SKP2: variants seen among roughly 807,000 people sequenced by gnomAD.
SKP2 encodes S-phase kinase-associated protein 2.
Under a neutral mutation model 51.8 loss-of-function variants are expected in SKP2, and 16 were observed. The observed-to-expected ratio is 0.31, with a 90% CI of 0.21 to 0.47. The LOEUF (loss-of-function observed/expected upper bound fraction) is 0.47. Among genes scored for constraint, SKP2 ranks in the 20% least tolerant of loss-of-function variants. The pLI is 1.00. For synonymous variants in SKP2, 176 were observed against 198.6 expected, an observed-to-expected ratio of 0.89 and a Z score of 0.96; for missense variants, 377 against 505.3, an observed-to-expected ratio of 0.75 and a Z score of 2.43.
At chr5:36,153,188 C>T (rs1268496969) in intron 2 of SKP2, 146 bp downstream of exon 2, 3 of 623,366 alleles carry the variant, frequency 4.8e-6, no homozygotes, top group East Asian at 3.0e-5. Context: ...TAGGGCAAGT[C>T]GTCAAGTATG....
chr5:36,166,725 C>CAT, intron 4 of SKP2, 63 bp downstream of exon 4: 2 of 902,376 alleles, frequency 2.2e-6, no homozygotes, highest in Non-Finnish European at 1.7e-6. Flanking sequence ...CAGATCAAAG[C>CAT]TTTTTTTTTT....
chr5:36,166,704 C>T (rs781411812), intron 4 of SKP2, 42 bp downstream of exon 4: 17 of 1,508,086 alleles, frequency 1.1e-5, no homozygotes, highest in Middle Eastern at 1.7e-4. Context: ...TTCTAAATTT[C>T]GAGGTAGAAA....
In SKP2 at chr5:36,163,676, G is replaced by A. The variant is rs1334730163; in HGVS notation, c.312G>A (p.Leu104=). Residue 104 remains leucine (L), a synonymous_variant, in exon 3 of 10, where the codon CTG becomes CTA. Coordinates refer to ENST00000274255, the MANE Select transcript of SKP2 (RefSeq NM_005983.4). ...CATGGGACTCCCTTCCGGATGAGCT[G>A]CTCTTGGGAATCTTTTCCTGTCTGT... The part of the protein sequence containing the change: ...GVSWDSLPDE[L]LLGIFSCLCL... The A allele has an allele frequency of 4.3e-6, 7 of 1,613,824 alleles. No homozygotes were observed. The highest frequency in any genetic ancestry group is 4.2e-6 in the Non-Finnish European group (5 of 1,179,854).
rs1745829886 is a variant in SKP2, at chr5:36,182,092, T to C, written c.*61T>C. The C allele has an allele frequency of 6.3e-7, 1 of 1,580,460 alleles. No homozygotes were observed. The highest frequency in any genetic ancestry group is 1.1e-5 in the South Asian group (1 of 87,632). On this transcript the variant is annotated 3_prime_UTR_variant, in exon 10 of 10. Transcript: ENST00000274255. ...CAGGGAAAATAGGCAGGAAGCCCAA[T>C]TGCTGGAGTACTTAGCTAGTTTTAT...
In SKP2 at chr5:36,182,591, G is replaced by A. The variant is rs1745846190; in HGVS notation, c.*560G>A. Reference sequence around the variant, plus strand: ...CTTTAGATTTGAAATTAGGTTAATAGAAATAAGTAACCCCATGTAATTCAC... The same window carrying A: ...CTTTAGATTTGAAATTAGGTTAATAAAAATAAGTAACCCCATGTAATTCAC... On this transcript the variant is annotated 3_prime_UTR_variant, in exon 10 of 10. Transcript: ENST00000274255. The A allele has an allele frequency of 1.0e-6, 1 of 981,810 alleles. No individual in the cohort carries two copies. Among genetic ancestry groups the A allele is most frequent in the Non-Finnish European group, 1.2e-6 (1 of 826,682 alleles). The allele number at this position is 981,810 out of a possible 1,614,324, so 60.8% of individuals were successfully genotyped here.
At position 36,166,222 on chromosome 5, in the gene SKP2, T is replaced by C. The variant is rs534650482; in HGVS notation, c.393-297T>C. ...TTTTTAAATTTGTCAACTTGAATGC[T>C]GGAATATGATTCTCTGGTTCTAGAT... On this transcript the variant is annotated intron_variant, in intron 3 of 9. Transcript: ENST00000274255. Among the ~76,000 whole-genome samples, 10 of 152,356 alleles carry C rather than the reference T, an allele frequency of 6.6e-5. No individual in the cohort carries two copies. In the East Asian group the frequency reaches 1.9e-3, roughly 29 times the overall value.
chr5:36,188,434 A>C (rs1360371554), downstream of SKP2, among the ~76,000 whole-genome samples: 1 of 152,242 alleles, frequency 6.6e-6, no homozygotes, highest in Non-Finnish European at 1.5e-5. Context: ...GGTGGCGAGA[A>C]AATCTCTCAG....
intron 2 of SKP2, chr5:36,155,239 G>A (rs1250755816): frequency 6.6e-6 from 1 of 152,058 alleles, no homozygotes; most frequent in Admixed American, 6.6e-5. Flanking sequence ...AAATAAATAC[G>A]TTTGTTTTCA....
At chr5:36,170,146 G>T (rs1745419697) in intron 5 of SKP2, among the ~76,000 whole-genome samples, 198 bp from the exon 6 acceptor site, 1 of 152,118 alleles carries the variant, frequency 6.6e-6, no homozygotes, top group Non-Finnish European at 1.5e-5. Context: ...CTGCCAAGAA[G>T]TTTGATAATA....
At chr5:36,188,426 T>A (rs1178382115), downstream of SKP2, among the ~76,000 whole-genome samples, 1 of 152,238 alleles carries the variant, frequency 6.6e-6, no homozygotes, top group Non-Finnish European at 1.5e-5. Flanking sequence ...GCAGGCCTGG[T>A]GGCGAGAAAA....
At chr5:36,187,286 T>A (rs1745964712), downstream of SKP2, among the ~76,000 whole-genome samples, 1 of 152,206 alleles carries the variant, frequency 6.6e-6, no homozygotes, top group South Asian at 2.1e-4. Flanking sequence ...AGCTTTTGAA[T>A]GTGTTTGCTC....
In SKP2 at chr5:36,184,053, T is replaced by A; in HGVS notation, c.*2022T>A. On this transcript the variant is annotated 3_prime_UTR_variant, in exon 10 of 10. Transcript: ENST00000274255. ...AATGAGTGCTTAAACTAAGTTGTAT[T>A]CCTTTTTTCTTTCTCTTTTTTTAAG... is the stretch of plus-strand genomic sequence containing the variant. 1 of 1,024,686 alleles carries A rather than the reference T, an allele frequency of 9.8e-7. No individual in the cohort carries two copies. Among genetic ancestry groups the A allele is most frequent in the South Asian group, 1.5e-5 (1 of 64,678 alleles). 63.5% of individuals were successfully genotyped at this position (1,024,686 alleles called of 1,614,324 possible).
intron 2 of SKP2, among the ~76,000 whole-genome samples, chr5:36,154,673 C>T (rs915667033): frequency 7.9e-5 from 12 of 152,306 alleles, no homozygotes; most frequent in African/African-American, 2.6e-4. Flanking sequence ...AGACTACAGG[C>T]ATGCACCACC....
chr5:36,192,993 C>A (rs979669777), intron 7 of SKP2: 1 of 152,154 alleles, frequency 6.6e-6, no homozygotes, highest in African/African-American at 2.4e-5. Flanking sequence ...TACAAATAAA[C>A]CCCCATCACA....
rs369027558 is a variant in SKP2 at position 36,163,498 on chromosome 5, A to C, written c.281-147A>C. On this transcript the variant is annotated intron_variant, in intron 2 of 9. Transcript: ENST00000274255. ...TTCAACAGAAATGATTTTTCAAACA[A>C]AAATAATTGTGAGGATGAGTAATTT... The C allele has an allele frequency of 2.3e-4, 144 of 613,236 alleles. 1 individual carries two copies. The South Asian group carries it at 2.9e-3, about 12-fold the overall frequency. 38.0% of individuals were successfully genotyped at this position (613,236 alleles called of 1,614,324 possible).
At chr5:36,173,868 A>G (rs1745550540) in intron 7 of SKP2, among the ~76,000 whole-genome samples, 1 of 152,168 alleles carries the variant, frequency 6.6e-6, no homozygotes, top group Non-Finnish European at 1.5e-5. Context: ...ATAGACTGGT[A>G]CCAGATGGCC....
intron 2 of SKP2, among the ~76,000 whole-genome samples, chr5:36,159,583 A>C (rs1745061169): frequency 6.6e-6 from 1 of 152,192 alleles, no homozygotes; most frequent in African/African-American, 2.4e-5. Context: ...AATAGTGACC[A>C]ACAGCAATTG....
At chr5:36,167,450 C>G (rs1317572635) in intron 4 of SKP2, among the ~76,000 whole-genome samples, 2 of 152,174 alleles carry the variant, frequency 1.3e-5, no homozygotes, top group Non-Finnish European at 2.9e-5. Context: ...TGTCCCTGGA[C>G]AAGCTGTGTC....
At position 36,163,645 on chromosome 5, in the gene SKP2, G is replaced by A. The variant is rs751059328; in HGVS notation, c.281G>A (p.Gly94Asp). ...RPKLNRENFP[G>D]VSWDSLPDEL... is the part of the protein sequence containing the mutation. ...GCAAACACTTGTTTTCCCTCCAAAG[G>A]TGTTTCATGGGACTCCCTTCCGGAT... Residue 94 changes from glycine to aspartate, a missense_variant and splice_region_variant, in exon 3 of 10, where the codon GGT becomes GAT. Transcript: ENST00000274255. The A allele has an allele frequency of 6.3e-7, 1 of 1,599,120 alleles. No homozygotes were observed.
Sources: allele counts gnomAD v4.1 joint callset (sites outside exome capture counted in the v4.1 genomes callset), GRCh38; gene constraint gnomAD v4.1.1; transcripts MANE v1.5; gene names NCBI Gene and HGNC (gene_info 2026-07-23, HGNC 2026-07-21).